CD247: variants seen among roughly 807,000 people sequenced by gnomAD.
CD247 encodes T-cell surface glycoprotein CD3 zeta chain.
In CD247, 13 loss-of-function variants were observed where a neutral mutation model predicts 30.0. The ratio of observed to expected loss-of-function variants is 0.43; its 90% CI spans 0.28 to 0.69. The LOEUF is 0.69. Ranked by LOEUF, CD247 falls within the 30% of genes least tolerant of loss-of-function variation. The probability of loss-of-function intolerance (pLI) is 0.16; values close to 1 mark genes in which losing one functional copy is unlikely to be tolerated. For synonymous variants in CD247, 72 were observed against 80.0 expected (o/e 0.90, Z 0.53); for missense variants, 193 against 212.6 (o/e 0.91, Z 0.57).
chr1:167,493,068 A>T (rs1654524536), intron 1 of CD247, among the ~76,000 whole-genome samples: 2 of 87,850 alleles, frequency 2.3e-5, no homozygotes, highest in African/African-American at 4.6e-5. Context: ...TTTGAGATGG[A>T]GTGTCACTCT....
Position 167,474,090 on chromosome 1 carries a change from C to T in CD247, c.59-33323G>A, listed in dbSNP as rs942575292. On this transcript the variant is annotated intron_variant, in intron 1 of 7. Transcript: ENST00000362089. ...GTGTGAACCAGAGATACCCCACTTC[C>T]TTCTTCCTAAATATTTCTCTCTGAT... 7.2e-5 allele frequency among the ~76,000 whole-genome samples: 11 copies of T among 152,276 alleles called. No homozygotes were observed. In the East Asian group the frequency reaches 2.1e-3, roughly 29 times the overall value.
At chr1:167,510,956 A>G (rs993840363) in intron 1 of CD247, among the ~76,000 whole-genome samples, 1 of 152,174 alleles carries the variant, frequency 6.6e-6, no homozygotes, top group Non-Finnish European at 1.5e-5. Context: ...TCAGATATTC[A>G]CATCTCCAGC....
intron 1 of CD247, among the ~76,000 whole-genome samples, chr1:167,450,375 T>A (rs906189374): frequency 7.9e-5 from 12 of 152,090 alleles, no homozygotes; most frequent in African/African-American, 2.9e-4. Flanking sequence ...CATGCCTTAG[T>A]CACAGCTACT....
At chr1:167,453,641 T>G (rs983825327) in intron 1 of CD247, among the ~76,000 whole-genome samples, 1 of 152,192 alleles carries the variant, frequency 6.6e-6, no homozygotes, top group Admixed American at 6.5e-5. Context: ...ATTCTACATG[T>G]GCTACCATGA....
intron 1 of CD247, among the ~76,000 whole-genome samples, chr1:167,447,783 G>A (rs1652156491): frequency 6.6e-6 from 1 of 152,144 alleles, no homozygotes; most frequent in South Asian, 2.1e-4. Context: ...CATGATCCAG[G>A]TAGGAGTGGC....
chr1:167,475,132 G>C (rs1297297566), intron 1 of CD247, among the ~76,000 whole-genome samples: 1 of 152,044 alleles, frequency 6.6e-6, no homozygotes, highest in Non-Finnish European at 1.5e-5. Flanking sequence ...CTCACCCTTG[G>C]AGGATGCTAA....
chr1:167,469,231 C>A (rs183052967), intron 1 of CD247, among the ~76,000 whole-genome samples: 3 of 152,258 alleles, frequency 2.0e-5, no homozygotes, highest in East Asian at 1.9e-4. Context: ...GATCTGCCCC[C>A]CCTCAGCCTC....
intron 1 of CD247, among the ~76,000 whole-genome samples, chr1:167,461,988 G>A (rs12124119): frequency 0.064 from 9,787 of 152,254 alleles, 486 homozygotes; most frequent in East Asian, 0.28. Context: ...CAGGAGGGAG[G>A]TGTGCCTGAT....
intron 1 of CD247, among the ~76,000 whole-genome samples, chr1:167,473,005 C>G (rs1285472163): frequency 2.0e-5 from 3 of 152,112 alleles, no homozygotes; most frequent in Non-Finnish European, 4.4e-5. Context: ...GCCTGACCAC[C>G]TTTGCCCTCC....
intron 1 of CD247, among the ~76,000 whole-genome samples, chr1:167,447,699 A>T (rs1009792819): frequency 6.6e-6 from 1 of 152,124 alleles, no homozygotes. Context: ...GTGACACTCA[A>T]ATGGGAAGGG....
chr1:167,437,265 C>T (rs1372127766), intron 4 of CD247, among the ~76,000 whole-genome samples: 2 of 151,966 alleles, frequency 1.3e-5, no homozygotes, highest in East Asian at 3.9e-4. Flanking sequence ...ATTAGCCAAG[C>T]GTGGTGGCGC....
At position 167,490,010 on chromosome 1, in the gene CD247, C is replaced by G. The variant is rs191319731; in HGVS notation, c.58+28398G>C. ...GAGCCAGTTTAGCTGCCTGTGCCCC[C>G]CCACCACCCCACCCCTTTTTTTGAC... On this transcript the variant is annotated intron_variant, in intron 1 of 7. Coordinates refer to ENST00000362089, the MANE Select transcript of CD247 (RefSeq NM_198053.3). Among the ~76,000 whole-genome samples, 488 of 152,230 alleles carry G rather than the reference C, an allele frequency of 3.2e-3. 5 individuals are homozygous for G. Among genetic ancestry groups the G allele is most frequent in the African/African-American group, 0.011 (459 of 41,542 alleles).
intron 1 of CD247, among the ~76,000 whole-genome samples, chr1:167,465,859 G>A (rs1043139232): frequency 6.6e-6 from 1 of 152,194 alleles, no homozygotes; most frequent in African/African-American, 2.4e-5. Context: ...AGTTAAAGCA[G>A]TTCTTTGAGC....
intron 1 of CD247, among the ~76,000 whole-genome samples, chr1:167,507,740 G>A (rs758167704): frequency 1.3e-5 from 2 of 151,984 alleles, no homozygotes; most frequent in Non-Finnish European, 2.9e-5. Flanking sequence ...GGAGGCTGAA[G>A]TGGTAGGATT....
chr1:167,433,283 C>T (rs2101985663), intron 6 of CD247, among the ~76,000 whole-genome samples: 1 of 152,302 alleles, frequency 6.6e-6, no homozygotes, highest in East Asian at 1.9e-4. Flanking sequence ...GTTTGCTCCA[C>T]CCCACTCAGA....
intron 7 of CD247, 129 bp downstream of exon 7, chr1:167,432,895 G>A (rs936949512): frequency 3.2e-6 from 3 of 940,058 alleles, no homozygotes; most frequent in Non-Finnish European, 3.4e-6. Context: ...GCCTAAATGG[G>A]TGCCTTGGGC....
At chr1:167,516,312 A>G (rs1773555) in intron 1 of CD247, among the ~76,000 whole-genome samples, 15,783 of 152,302 alleles carry the variant, frequency 0.1, 1,713 homozygotes, top group African/African-American at 0.28. Context: ...TCTGGCCTCA[A>G]GCCCTGGTGA....
rs765380400 is a variant in CD247, at chr1:167,518,498, C to A, written c.-33G>T. On this transcript the variant is annotated 5_prime_UTR_variant, in exon 1 of 8. Coordinates refer to ENST00000362089, the MANE Select transcript of CD247 (RefSeq NM_198053.3). ...TTTCCCTCAGAAAGAGGCTGGGAGGCAGAGGCTGAGGCAGCGGTGGCCGGG... is the reference window on the plus strand; with the variant it reads ...TTTCCCTCAGAAAGAGGCTGGGAGGAAGAGGCTGAGGCAGCGGTGGCCGGG... The A allele has an allele frequency of 3.1e-6, 5 of 1,605,816 alleles. No homozygotes were observed. Among genetic ancestry groups the A allele is most frequent in the Non-Finnish European group, 8.5e-7 (1 of 1,173,220 alleles).
intron 1 of CD247, among the ~76,000 whole-genome samples, chr1:167,485,185 A>C (rs1654152249): frequency 6.6e-6 from 1 of 152,018 alleles, no homozygotes; most frequent in African/African-American, 2.4e-5. Context: ...CCTTCTGTGG[A>C]CCTATTGGAA....
Sources: allele counts gnomAD v4.1 joint callset (sites outside exome capture counted in the v4.1 genomes callset), GRCh38; gene constraint gnomAD v4.1.1; transcripts MANE v1.5; gene names NCBI Gene and HGNC (gene_info 2026-07-23, HGNC 2026-07-21).